The following TMEM87B variants were observed in gnomAD, a reference collection of about 807,000 sequenced individuals.
The protein encoded by TMEM87B is transmembrane protein 87B.
TMEM87B carries 83 observed loss-of-function variants against 80.3 expected under a neutral mutation model. The ratio of observed to expected loss-of-function variants is 1.03; its 90% confidence interval spans 0.87 to 1.24. TMEM87B has a LOEUF of 1.24. Ranked by LOEUF, TMEM87B falls within the 50% of genes most tolerant of loss-of-function variation. TMEM87B has a pLI of 0.00. For synonymous variants in TMEM87B, 219 were observed against 230.5 expected, an observed-to-expected ratio of 0.95 and a Z score of 0.45; for missense variants, 625 against 674.4, an observed-to-expected ratio of 0.93 and a Z score of 0.81.
intron 18 of TMEM87B, among the ~76,000 whole-genome samples, chr2:112,113,210 A>G (rs1374600104): frequency 1.3e-5 from 2 of 152,236 alleles, no homozygotes; most frequent in Non-Finnish European, 2.9e-5. Flanking sequence ...GTCTAAATTA[A>G]TCTCTGATAC....
intron 10 of TMEM87B, among the ~76,000 whole-genome samples, chr2:112,091,209 C>T (rs922910073): frequency 1.3e-5 from 2 of 150,258 alleles, no homozygotes; most frequent in African/African-American, 4.9e-5. Context: ...CATTGCACTC[C>T]AGCCTGGGCA....
chr2:112,086,250 T>C, intron 9 of TMEM87B, 146 bp downstream of exon 9: 2 of 555,568 alleles, frequency 3.6e-6, no homozygotes, highest in Non-Finnish European at 6.1e-6. Flanking sequence ...TTTTAAAAGA[T>C]TTCCACATAC....
chr2:112,101,624 G>C (rs1030269439), intron 15 of TMEM87B, among the ~76,000 whole-genome samples: 3 of 152,144 alleles, frequency 2.0e-5, no homozygotes, highest in African/African-American at 7.2e-5. Context: ...CAATAAAGTA[G>C]GTGGAGCAAA....
chr2:112,071,461 C>T (rs1483858366), intron 4 of TMEM87B, among the ~76,000 whole-genome samples: 1 of 151,962 alleles, frequency 6.6e-6, no homozygotes, highest in Non-Finnish European at 1.5e-5. Flanking sequence ...GTGACCATGC[C>T]CGGCTAATTT....
chr2:112,076,386 C>G (rs1678816284), intron 5 of TMEM87B, among the ~76,000 whole-genome samples: 1 of 151,924 alleles, frequency 6.6e-6, no homozygotes, highest in Admixed American at 6.6e-5. Context: ...GTCACCTAGG[C>G]TGGTGTGCAG....
chr2:112,064,039 A>T, intron 2 of TMEM87B, 123 bp from the exon 3 acceptor site: 1 of 730,018 alleles, frequency 1.4e-6, no homozygotes, highest in South Asian at 2.2e-5. Context: ...TGGAGAAATT[A>T]GCTAATGTTT....
At chr2:112,110,046 A>G (rs1192727791) in intron 17 of TMEM87B, among the ~76,000 whole-genome samples, 3 of 152,152 alleles carry the variant, frequency 2.0e-5, no homozygotes, top group Non-Finnish European at 2.9e-5. Context: ...GATTACAGGC[A>G]TGAGCCACTG....
chr2:112,076,744 C>T (rs897408086), intron 5 of TMEM87B, among the ~76,000 whole-genome samples: 26 of 151,880 alleles, frequency 1.7e-4, no homozygotes, highest in Non-Finnish European at 2.4e-4. Flanking sequence ...GAATGAGAAA[C>T]GCTTCTTTCC....
At chr2:112,074,317 A>C (rs1309697248) in intron 4 of TMEM87B, among the ~76,000 whole-genome samples, 1 of 152,180 alleles carries the variant, frequency 6.6e-6, no homozygotes, top group East Asian at 1.9e-4. Flanking sequence ...CCCTTCACTT[A>C]TGAGGCTTAG....
chr2:112,057,353 G>A (rs1233068692), intron 1 of TMEM87B, among the ~76,000 whole-genome samples: 3 of 152,100 alleles, frequency 2.0e-5, no homozygotes, highest in Admixed American at 1.3e-4. Context: ...ATGGCTCACT[G>A]CAGCCTCAAA....
At chr2:112,078,733 G>C (rs1678896660) in intron 6 of TMEM87B, among the ~76,000 whole-genome samples, 1 of 152,210 alleles carries the variant, frequency 6.6e-6, no homozygotes, top group Non-Finnish European at 1.5e-5. Flanking sequence ...TGCATGTTTT[G>C]CACTGTACTC....
chr2:112,067,177 A>C, intron 4 of TMEM87B, 110 bp downstream of exon 4: 1 of 1,408,190 alleles, frequency 7.1e-7, no homozygotes, highest in Admixed American at 2.3e-5. Flanking sequence ...CTGACTTGCC[A>C]TGTTAAAATA....
intron 9 of TMEM87B, among the ~76,000 whole-genome samples, chr2:112,087,578 C>T (rs1201842192): frequency 6.6e-6 from 1 of 152,136 alleles, no homozygotes; most frequent in African/African-American, 2.4e-5. Flanking sequence ...TGCCTTTGTG[C>T]CCACTCAACT....
intron 9 of TMEM87B, 81 bp from the exon 10 acceptor site, chr2:112,089,544 A>G (rs1385614717): frequency 1.6e-6 from 2 of 1,240,626 alleles, no homozygotes; most frequent in African/African-American, 1.5e-5. Flanking sequence ...GGTATTGGAA[A>G]TGGTGCCAGT....
chr2:112,068,774 A>C (rs1678520715), intron 4 of TMEM87B, among the ~76,000 whole-genome samples: 1 of 152,218 alleles, frequency 6.6e-6, no homozygotes, highest in Admixed American at 6.5e-5. Context: ...TTTAGCACCT[A>C]GAACCCCCTT....
intron 15 of TMEM87B, among the ~76,000 whole-genome samples, chr2:112,105,661 T>A (rs773380206): frequency 1.3e-5 from 2 of 152,244 alleles, no homozygotes; most frequent in Non-Finnish European, 2.9e-5. Context: ...TGTTCTTGAA[T>A]GTACCATGAA....
At chr2:112,063,587 G>A (rs1294560723) in intron 2 of TMEM87B, among the ~76,000 whole-genome samples, 2 of 152,144 alleles carry the variant, frequency 1.3e-5, no homozygotes, top group Non-Finnish European at 2.9e-5. Context: ...TCTTCACCAG[G>A]CTAACTTCTG....
intron 5 of TMEM87B, among the ~76,000 whole-genome samples, chr2:112,076,078 C>A (rs1678802730): frequency 6.6e-6 from 1 of 152,006 alleles, no homozygotes; most frequent in African/African-American, 2.4e-5. Context: ...TTCCTCTTCC[C>A]CCAATTCAAT....
At chr2:112,095,147 C>CTTTTTTTTTTT (rs1573716392) in intron 11 of TMEM87B, 1 of 846,752 alleles carries the variant, frequency 1.2e-6, no homozygotes, top group Non-Finnish European at 1.3e-6. Flanking sequence ...TTTCGTTTCT[C>CTTTTTTTTTTT]TTTTCTTTTC....
Sources: allele counts gnomAD v4.1 joint callset (sites outside exome capture counted in the v4.1 genomes callset), GRCh38; gene constraint gnomAD v4.1.1; transcripts MANE v1.5; gene names NCBI Gene and HGNC (gene_info 2026-07-23, HGNC 2026-07-21).